The following PPP2R5C variants were observed in gnomAD, a reference collection of about 807,000 sequenced individuals.
PPP2R5C encodes protein phosphatase 2 regulatory subunit B'gamma.
PPP2R5C carries 7 observed loss-of-function variants against 68.9 expected under a neutral mutation model. The observed-to-expected ratio is 0.10, with a 90% CI of 0.06 to 0.19. The LOEUF (loss-of-function observed/expected upper bound fraction) is 0.19, where lower values mean the gene tolerates loss of function less well. Among genes scored for constraint, PPP2R5C ranks in the 10% least tolerant of loss-of-function variants. The probability of loss-of-function intolerance (pLI) is 1.00; values close to 1 mark genes in which losing one functional copy is unlikely to be tolerated. For synonymous variants in PPP2R5C, 210 were observed against 222.2 expected, an observed-to-expected ratio of 0.95 and a Z score of 0.49; for missense variants, 348 against 641.3, an observed-to-expected ratio of 0.54 and a Z score of 4.94.
intron 5 of PPP2R5C, among the ~76,000 whole-genome samples, chr14:101,885,287 C>T (rs911389237): frequency 4.6e-5 from 7 of 152,214 alleles, no homozygotes; most frequent in Admixed American, 4.6e-4. Context: ...GATGAGACCC[C>T]CCCTGCCAAA....
intron 1 of PPP2R5C, chr14:101,820,017 G>A (rs1261643726): frequency 6.6e-6 from 1 of 152,226 alleles, no homozygotes; most frequent in Non-Finnish European, 1.5e-5. Flanking sequence ...AAGCGCCCAT[G>A]TGATGTGTGA....
intron 1 of PPP2R5C, chr14:101,824,146 A>G (rs2040257199): frequency 3.1e-6 from 4 of 1,281,664 alleles, no homozygotes; most frequent in Non-Finnish European, 4.1e-6. Context: ...CATTTTAGAC[A>G]TAGCTGGCAA....
chr14:101,876,111 C>T (rs1311153799), intron 2 of PPP2R5C, among the ~76,000 whole-genome samples: 1 of 152,114 alleles, frequency 6.6e-6, no homozygotes, highest in African/African-American at 2.4e-5. Flanking sequence ...CCAGCTATAT[C>T]ATTTGCAAAC....
chr14:101,811,121 C>T (rs2039334050), intron 1 of PPP2R5C, among the ~76,000 whole-genome samples: 1 of 152,162 alleles, frequency 6.6e-6, no homozygotes, highest in Non-Finnish European at 1.5e-5. Flanking sequence ...ACTCAATCTA[C>T]TGGAATAAAA....
intron 2 of PPP2R5C, among the ~76,000 whole-genome samples, chr14:101,867,445 A>G (rs2043146489): frequency 6.6e-6 from 1 of 151,986 alleles, no homozygotes; most frequent in South Asian, 2.1e-4. Context: ...CACATTTGTC[A>G]TCATCAAAAA....
intron 1 of PPP2R5C, among the ~76,000 whole-genome samples, chr14:101,821,442 TGGGTGGGTGG>T: frequency 1.1e-5 from 1 of 90,162 alleles, no homozygotes; most frequent in African/African-American, 3.6e-5. Context: ...CTGTGGGGGG[TGGGTGGGTGG>T]GTGTGTGTGT....
At position 101,789,988 on chromosome 14, in the gene PPP2R5C, G is replaced by A. The variant is rs562586021; in HGVS notation, c.259+3805G>A. On this transcript the variant is annotated intron_variant, in intron 3 of 14. Coordinates refer to the PPP2R5C transcript ENST00000328724. ...TTTTAATCTCTTCCTTATCAGTGGC[G>A]GTTATGTCTCCTTATAAGTTCATTT... 14 of 151,146 alleles carry A rather than the reference G, an allele frequency of 9.3e-5. No individual in the cohort carries two copies. In the South Asian group the frequency reaches 1.9e-3, roughly 20 times the overall value. 9.4% of individuals were successfully genotyped at this position (151,146 alleles called of 1,614,324 possible). A position where few individuals can be genotyped will look rare whatever the true frequency, so the allele number is the denominator to read the frequency against.
intron 13 of PPP2R5C, among the ~76,000 whole-genome samples, chr14:101,918,411 TGCCCCCTCA>T (rs1206972673): frequency 2.4e-5 from 1 of 40,820 alleles, no homozygotes. Flanking sequence ...CCTCCCCCCT[TGCCCCCTCA>T]CCCCCCTCGC....
intron 1 of PPP2R5C, among the ~76,000 whole-genome samples, chr14:101,849,772 T>A (rs747086339): frequency 8.0e-6 from 1 of 125,166 alleles, no homozygotes. Context: ...CAACACAACG[T>A]GTTGAAAGGC....
upstream of PPP2R5C, among the ~76,000 whole-genome samples, chr14:101,761,476 T>G (rs1291501744): frequency 1.6e-5 from 2 of 127,386 alleles, no homozygotes; most frequent in African/African-American, 6.3e-5. Context: ...GGCGGGGGCG[T>G]GAACGGGTCG....
At position 101,913,425 on chromosome 14, in the gene PPP2R5C, G is replaced by A. The variant is rs1192264548; in HGVS notation, c.1326+952G>A. ...TCTTTACCTATATAACAACATACTG[G>A]TTTGTATACTCTGATAAAACTGCAA... On this transcript the variant is annotated intron_variant, in intron 12 of 13. Coordinates refer to ENST00000334743, the Ensembl canonical transcript of PPP2R5C. This position sits in a 1 kb window ranked among gnomAD's most constrained non-coding sequence, Gnocchi z 4.1. 1.3e-5 allele frequency among the ~76,000 whole-genome samples: 2 copies of A among 152,132 alleles called. No individual in the cohort carries two copies. Among genetic ancestry groups the A allele is most frequent in the African/African-American group, 4.8e-5 (2 of 41,418 alleles).
At chr14:101,761,893 C>T (rs1295394085) in exon 1 of PPP2R5C, 5 of 1,168,046 alleles carry the variant, frequency 4.3e-6, no homozygotes, top group African/African-American at 1.6e-5. Flanking sequence ...CCGCTCCAGC[C>T]ATGCCGAATA....
At chr14:101,875,675 G>A (rs1043653262) in intron 2 of PPP2R5C, among the ~76,000 whole-genome samples, 12 of 152,108 alleles carry the variant, frequency 7.9e-5, no homozygotes, top group African/African-American at 2.9e-4. Context: ...TTTACAAATG[G>A]GGAAAGGGGT....
intron 2 of PPP2R5C, among the ~76,000 whole-genome samples, chr14:101,868,390 GA>G (rs1442110245): frequency 2.0e-5 from 3 of 152,036 alleles, no homozygotes; most frequent in Admixed American, 6.6e-5. Context: ...AAACAAATAC[GA>G]AAGCATTTTA....
At chr14:101,864,861 G>A (rs912655593) in intron 2 of PPP2R5C, among the ~76,000 whole-genome samples, 14 of 152,140 alleles carry the variant, frequency 9.2e-5, no homozygotes, top group African/African-American at 2.4e-4. Flanking sequence ...CGTTTGCTCC[G>A]GCTGCAGTGT....
At chr14:101,838,251 C>T (rs1181490258) in intron 1 of PPP2R5C, among the ~76,000 whole-genome samples, 2 of 152,056 alleles carry the variant, frequency 1.3e-5, no homozygotes, top group Non-Finnish European at 2.9e-5. Flanking sequence ...GACCTGGAGC[C>T]GGTGTGGTGG....
At chr14:101,871,451 G>A (rs975347756) in intron 2 of PPP2R5C, among the ~76,000 whole-genome samples, 2 of 152,008 alleles carry the variant, frequency 1.3e-5, no homozygotes, top group Non-Finnish European at 2.9e-5. Flanking sequence ...CACCATGTTA[G>A]CCAGGATGGT....
In PPP2R5C at chr14:101,915,229, A is replaced by C. The variant is rs559458774; in HGVS notation, c.1327-2602A>C. Among the ~76,000 whole-genome samples, 5 of 152,152 alleles carry C rather than the reference A, an allele frequency of 3.3e-5. No homozygotes were observed. The highest frequency in any genetic ancestry group is 9.6e-5 in the African/African-American group (4 of 41,518). On this transcript the variant is annotated intron_variant, in intron 12 of 13. Transcript: ENST00000334743. The surrounding 1 kb of genome is among the most constrained non-coding windows in gnomAD (Gnocchi z 4.2). ...CCAAGTATGCTGGGACTACAGGTGC[A>C]CGCCACCATGCCTGGCTAATTTTTG...
intron 1 of PPP2R5C, among the ~76,000 whole-genome samples, chr14:101,847,520 C>A (rs971740102): frequency 1.3e-5 from 2 of 152,166 alleles, no homozygotes; most frequent in African/African-American, 4.8e-5. Context: ...CTCCCATATT[C>A]TGGTAGTTTT....
Sources: allele counts gnomAD v4.1 joint callset (sites outside exome capture counted in the v4.1 genomes callset), GRCh38; gene constraint gnomAD v4.1.1; non-coding constraint Gnocchi (gnomAD v3.1); transcripts MANE v1.5; gene names NCBI Gene and HGNC (gene_info 2026-07-23, HGNC 2026-07-21).